EIF3G: variants seen among roughly 807,000 people sequenced by gnomAD.
EIF3G encodes the protein eukaryotic translation initiation factor 3 RNA-binding subunit.
Under a neutral mutation model 41.7 loss-of-function variants are expected in EIF3G, and 10 were observed. The ratio of observed to expected loss-of-function variants is 0.24; its 90% CI spans 0.15 to 0.41. The LOEUF (loss-of-function observed/expected upper bound fraction) is 0.41, where lower values mean the gene tolerates loss of function less well. Ranked by LOEUF, EIF3G falls within the 10% of genes least tolerant of loss-of-function variation. The pLI is 1.00. For synonymous variants in EIF3G, 204 were observed against 172.5 expected, an observed-to-expected ratio of 1.18 and a Z score of -1.43; for missense variants, 297 against 444.0, an observed-to-expected ratio of 0.67 and a Z score of 2.98.
At position 10,119,226 on chromosome 19, in the gene EIF3G, G is replaced by A. The variant is rs538548572; in HGVS notation, c.68-55C>T. 26 of 1,532,564 alleles carry A rather than the reference G, an allele frequency of 1.7e-5. 1 individual carries two copies. In the South Asian group the frequency reaches 2.9e-4, roughly 17 times the overall value. 94.9% of individuals were successfully genotyped at this position (1,532,564 alleles called of 1,614,324 possible). A position where few individuals can be genotyped will look rare whatever the true frequency, so the allele number is the denominator to read the frequency against. ...CAGCTCCAGGGGCAGGAGCTCCCCAGCTGCGATGGAAGGGCTTTTGGGATG... is the reference window on the plus strand; with the variant it reads ...CAGCTCCAGGGGCAGGAGCTCCCCAACTGCGATGGAAGGGCTTTTGGGATG... On this transcript the variant is annotated intron_variant, in intron 2 of 10. Coordinates refer to ENST00000253108, the MANE Select transcript of EIF3G (RefSeq NM_003755.5).
intron 9 of EIF3G, 45 bp downstream of exon 9, chr19:10,115,639 C>T: frequency 6.2e-7 from 1 of 1,611,056 alleles, no homozygotes; most frequent in Non-Finnish European, 8.5e-7. Flanking sequence ...GACCCTAGGA[C>T]AAGTGACCCT....
In EIF3G at chr19:10,118,652, GGAA is replaced by G; in HGVS notation, c.300+13_300+15del. The G allele has an allele frequency of 6.2e-7, 1 of 1,614,048 alleles. No individual in the cohort carries two copies. The highest frequency in any genetic ancestry group is 8.5e-7 in the Non-Finnish European group (1 of 1,179,998). Reference sequence around the variant, plus strand: ...TCCAATTCCTCTAGGTTAGCCCTGGGGAAGAAGAGCCTCACCTTCCTCCTTGCG... The same window carrying G: ...TCCAATTCCTCTAGGTTAGCCCTGGGGAAGAGCCTCACCTTCCTCCTTGCG... On this transcript the variant is annotated intron_variant, in intron 5 of 10. Coordinates refer to ENST00000253108, the MANE Select transcript of EIF3G (RefSeq NM_003755.5).
chr19:10,119,425 A>T (rs1287826415), intron 2 of EIF3G: 6 of 752,576 alleles, frequency 8.0e-6, no homozygotes, highest in Non-Finnish European at 1.4e-5. Context: ...GAGACGGGAG[A>T]TTACAACTTC....
At chr19:10,119,455 T>C (rs1223697119) in intron 2 of EIF3G, 199 bp downstream of exon 2, 1 of 763,808 alleles carries the variant, frequency 1.3e-6, no homozygotes, top group South Asian at 1.5e-5. Context: ...GGGGAACAGC[T>C]GGGAGGCAGT....
intron 1 of EIF3G, 32 bp from the exon 2 acceptor site, chr19:10,119,732 TAA>T: frequency 6.2e-7 from 1 of 1,612,552 alleles, no homozygotes; most frequent in Non-Finnish European, 8.5e-7. Context: ...GAACGAAGAT[TAA>T]GTCAGCCAGG....
In EIF3G at chr19:10,115,967, C is replaced by T; in HGVS notation, c.703G>A (p.Ala235Thr). 6.2e-7 allele frequency: 1 copy of T among 1,613,188 alleles called. No individual in the cohort carries two copies. The highest frequency in any genetic ancestry group is 8.5e-7 in the Non-Finnish European group (1 of 1,179,596). ...RGESMQPNRR[A>T]DDNATIRVTN... is the part of the protein sequence containing the mutation. ...AGCCTGGCGTCGGGGTGCCCCTCAC[C>T]TCTGCGGTTGGGCTGCATGGACTCC... The change falls in exon 8 of 11, where the codon GCC becomes ACC. Residue 235 changes from alanine to threonine, a missense_variant and splice_region_variant. Coordinates refer to ENST00000253108, the MANE Select transcript of EIF3G (RefSeq NM_003755.5).
At chr19:10,118,988 AGCCCTGG>A (rs2089282612) in intron 3 of EIF3G, 32 bp from the exon 4 acceptor site, 1 of 1,613,900 alleles carries the variant, frequency 6.2e-7, no homozygotes, top group Non-Finnish European at 8.5e-7. Flanking sequence ...AGAAAGACTG[AGCCCTGG>A]GTCATGGGGA....
chr19:10,116,271 G>A lies in EIF3G; in HGVS notation c.596-197C>T. The A allele has an allele frequency of 1.6e-6, 1 of 611,982 alleles. No homozygotes were observed. The highest frequency in any genetic ancestry group is 2.9e-6 in the Non-Finnish European group (1 of 347,908). 37.9% of individuals were successfully genotyped at this position (611,982 alleles called of 1,614,324 possible). ...ATTTGAGCTCCCAGCCAGCGACACT[G>A]GTGGAGGAGGAGGAGGAGGAGCCCC... is the stretch of plus-strand genomic sequence containing the variant. On this transcript the variant is annotated intron_variant, in intron 7 of 10. Coordinates refer to ENST00000253108, the MANE Select transcript of EIF3G (RefSeq NM_003755.5). This position sits in a 1 kb window ranked among gnomAD's most constrained non-coding sequence, Gnocchi z 4.1.
intron 5 of EIF3G, 101 bp from the exon 6 acceptor site, chr19:10,117,289 G>T: frequency 1.2e-6 from 1 of 805,564 alleles, no homozygotes; most frequent in Non-Finnish European, 2.0e-6. Context: ...GAGTGTCTGG[G>T]CCTCAAACCC....
chr19:10,115,066 G>A lies in EIF3G; in HGVS notation c.*48C>T, dbSNP rs1414434912. On this transcript the variant is annotated 3_prime_UTR_variant, in exon 11 of 11. Coordinates refer to ENST00000253108, the MANE Select transcript of EIF3G (RefSeq NM_003755.5). ...CTTGGAGCCCGCGCTCTCGGAGGCT[G>A]TCTTCTGTCGCCAAGGGTCCCGGAC... The A allele has an allele frequency of 6.2e-7, 1 of 1,613,414 alleles. No individual in the cohort carries two copies. The highest frequency in any genetic ancestry group is 2.2e-5 in the East Asian group (1 of 44,876).
intron 5 of EIF3G, 81 bp downstream of exon 5, chr19:10,118,583 GAGTT>G: frequency 9.0e-7 from 1 of 1,111,294 alleles, no homozygotes; most frequent in Non-Finnish European, 1.3e-6. Flanking sequence ...AAAAAAAAAA[GAGTT>G]AAGCCCCATC....
chr19:10,119,568 C>T, intron 2 of EIF3G, 86 bp downstream of exon 2: 2 of 1,473,128 alleles, frequency 1.4e-6, no homozygotes, highest in Non-Finnish European at 1.8e-6. Context: ...ACGGGGTACA[C>T]GGTGCCAGAC....
Position 10,119,185 on chromosome 19 carries a change from C to T in EIF3G, c.68-14G>A. 1.3e-6 allele frequency: 2 copies of T among 1,565,904 alleles called. No homozygotes were observed. The highest frequency in any genetic ancestry group is 1.2e-5 in the South Asian group (1 of 85,830). On this transcript the variant is annotated splice_polypyrimidine_tract_variant and intron_variant, in intron 2 of 10. Transcript: ENST00000253108. ...TGACACATTTGTCTGCAAAAGGCAGCGTAGGAAGGAGGAGTCAGCTCCAGG... is the reference window on the plus strand; with the variant it reads ...TGACACATTTGTCTGCAAAAGGCAGTGTAGGAAGGAGGAGTCAGCTCCAGG...
chr19:10,115,700 G>T lies in EIF3G; in HGVS notation c.824C>A (p.Thr275Asn), dbSNP rs146486140. ...CCTGCCCACCTTGGATTGGCCAGTG[G>T]TCTTGTCCTTAGCCAGGTAGATGCG... ...ISRIYLAKDK[T>N]TGQSKGFAFI... Residue 275 changes from threonine (T) to asparagine (N), a missense_variant, in exon 9 of 11, where the codon ACC becomes AAC. Thr to Asn is a moderately conservative substitution (Grantham distance 65). Around this residue, in one of 4 missense-constraint regions of EIF3G, gnomAD observed 91 missense variants for 170.5 expected, o/e 0.53. Coordinates refer to ENST00000253108, the MANE Select transcript of EIF3G (RefSeq NM_003755.5). The T allele has an allele frequency of 9.9e-6, 16 of 1,614,212 alleles. No homozygotes were observed. In the African/African-American group the frequency reaches 2.1e-4, roughly 22 times the overall value.
rs758688972 is a variant in EIF3G at position 10,115,809 on chromosome 19, CGTT to C, written c.712_714del (p.Asn238del). The stretch of plus-strand genomic sequence containing the variant: ...GACAAGTTGGTGACACGGATGGTGG[CGTT>C]GTCGTCGGCTGTGTGGGAGAGGGGA... On this transcript the variant is annotated inframe_deletion, in exon 9 of 11. Coordinates refer to ENST00000253108, the MANE Select transcript of EIF3G (RefSeq NM_003755.5). 3.1e-6 allele frequency: 5 copies of C among 1,612,776 alleles called. 1 individual carries two copies. The South Asian group carries it at 4.4e-5, about 14-fold the overall frequency.
In EIF3G at chr19:10,116,794, C is replaced by T. The variant is rs1164980694; in HGVS notation, c.595+6G>A. 2 of 1,571,568 alleles carry T rather than the reference C, an allele frequency of 1.3e-6. No individual in the cohort carries two copies. Among genetic ancestry groups the T allele is most frequent in the South Asian group, 2.3e-5 (2 of 85,918 alleles). ...CACTGACAGCAGGACCCTCCCACCC[C>T]CACACCTCCCGGCAGCTTCTCCTTC... On this transcript the variant is annotated splice_donor_region_variant and intron_variant, in intron 7 of 10. Transcript: ENST00000253108. This position sits in a 1 kb window ranked among gnomAD's most constrained non-coding sequence, Gnocchi z 4.1.
chr19:10,116,042 T>C lies in EIF3G; in HGVS notation c.628A>G (p.Thr210Ala), dbSNP rs766578639. 1 of 1,613,948 alleles carries C rather than the reference T, an allele frequency of 6.2e-7. No homozygotes were observed. The highest frequency in any genetic ancestry group is 8.5e-7 in the Non-Finnish European group (1 of 1,179,928). ...LEPVQATQNK[T>A]GKYVPPSLRD... ...AGGCTCGGCGGCACATACTTCCCTGTCTTGTTCTGCGTGGCCTGCACCGGC... is the reference window on the plus strand; with the variant it reads ...AGGCTCGGCGGCACATACTTCCCTGCCTTGTTCTGCGTGGCCTGCACCGGC... Residue 210 changes from threonine to alanine, a missense_variant, in exon 8 of 11, where the codon ACA becomes GCA. This residue lies in a region of EIF3G where 33 missense variants were observed against 30.3 expected (regional missense o/e 1.09). Transcript: ENST00000253108. The surrounding 1 kb of genome is among the most constrained non-coding windows in gnomAD (Gnocchi z 4.1).
chr19:10,115,856 GAC>G (rs755709143), intron 8 of EIF3G, 36 bp from the exon 9 acceptor site: 1 of 1,607,108 alleles, frequency 6.2e-7, no homozygotes, highest in Non-Finnish European at 8.5e-7. Context: ...TGAGGGGGAG[GAC>G]ACTGCCCAGC....
At chr19:10,118,804 C>T in intron 4 of EIF3G, 64 bp downstream of exon 4, 1 of 1,605,418 alleles carries the variant, frequency 6.2e-7, no homozygotes, top group Non-Finnish European at 8.5e-7. Flanking sequence ...ACACACCCCA[C>T]CCCATTCCGG....
Sources: allele counts gnomAD v4.1 joint callset, GRCh38; gene constraint gnomAD v4.1.1; regional missense constraint gnomAD v4.1.1; non-coding constraint Gnocchi (gnomAD v3.1); transcripts MANE v1.5; gene names NCBI Gene and HGNC (gene_info 2026-07-23, HGNC 2026-07-21).